The following CHL1 variants were observed in gnomAD, a reference collection of about 807,000 sequenced individuals.
CHL1 encodes cell adhesion molecule L1 like, also known as neural cell adhesion molecule L1-like protein.
A neutral mutation model predicts 141.9 loss-of-function variants in CHL1; 96 were observed. That is an observed-to-expected ratio of 0.68 (90% CI 0.57 to 0.80). The LOEUF (loss-of-function observed/expected upper bound fraction) is 0.80. CHL1 is among the 30% of genes least tolerant of loss of function. The pLI, the probability that CHL1 is intolerant of heterozygous loss-of-function variation, is 0.00. For missense variants in CHL1, 1,820 were observed against 1,457.2 expected, an observed-to-expected ratio of 1.25 and a Z score of -4.05; for synonymous variants, 613 against 502.2, an observed-to-expected ratio of 1.22 and a Z score of -2.95.
intron 2 of CHL1, among the ~76,000 whole-genome samples, chr3:314,560 G>C (rs571601300): frequency 9.9e-5 from 15 of 151,786 alleles, no homozygotes; most frequent in South Asian, 2.1e-4. Context: ...ATACTGACCA[G>C]CTGGTTCTAG....
Position 329,796 on chromosome 3 carries a change from AG to A in CHL1, c.385+1444del, listed in dbSNP as rs200358602. Among the ~76,000 whole-genome samples the A allele has an allele frequency of 8.0e-3, 1,225 of 152,246 alleles. 18 individuals carry two copies. Among genetic ancestry groups the A allele is most frequent in the African/African-American group, 0.028 (1,173 of 41,576 alleles). On this transcript the variant is annotated intron_variant, in intron 5 of 27. Coordinates refer to ENST00000256509, the MANE Select transcript of CHL1 (RefSeq NM_006614.4). Reference sequence around the variant, plus strand: ...AGACAAATGCTTTCCAAATGAAGGTAGGTATGACCATATTAATGTCAGTCAT... The same window carrying A: ...AGACAAATGCTTTCCAAATGAAGGTAGTATGACCATATTAATGTCAGTCAT...
chr3:391,987 A>G (rs1708266173), intron 23 of CHL1, among the ~76,000 whole-genome samples, 190 bp downstream of exon 23: 2 of 152,186 alleles, frequency 1.3e-5, no homozygotes, highest in East Asian at 1.9e-4. Flanking sequence ...TTTTAGGAAT[A>G]AAGTTTTATG....
chr3:307,901 T>C (rs1699388021), intron 2 of CHL1, among the ~76,000 whole-genome samples: 1 of 152,212 alleles, frequency 6.6e-6, no homozygotes, highest in Non-Finnish European at 1.5e-5. Context: ...TATGCTAAAG[T>C]ATTTTAAAGT....
intron 3 of CHL1, 139 bp from the exon 4 acceptor site, chr3:325,816 AGAGT>A (rs1700961382): frequency 5.8e-6 from 3 of 519,250 alleles, no homozygotes; most frequent in Admixed American, 7.6e-5. Context: ...TTGCAAAGAG[AGAGT>A]GAGATTTATT....
At chr3:279,718 G>C (rs1210401126) in intron 2 of CHL1, among the ~76,000 whole-genome samples, 1 of 152,172 alleles carries the variant, frequency 6.6e-6, no homozygotes, top group Admixed American at 6.5e-5. Context: ...AGAGCAAAAA[G>C]CTGAACTGAA....
At chr3:295,997 C>T (rs182907914) in intron 2 of CHL1, among the ~76,000 whole-genome samples, 13 of 151,348 alleles carry the variant, frequency 8.6e-5, no homozygotes, top group Non-Finnish European at 1.5e-4. Flanking sequence ...GTACAACTCC[C>T]TCTCAAAAAA....
intron 2 of CHL1, among the ~76,000 whole-genome samples, chr3:263,586 T>C (rs1185871398): frequency 2.0e-5 from 3 of 152,228 alleles, no homozygotes; most frequent in African/African-American, 4.8e-5. Flanking sequence ...TTGTCACTGC[T>C]CCAAATCATT....
In CHL1 at chr3:407,125, G is replaced by A. The variant is rs971008260; in HGVS notation, c.*1414G>A. 6.6e-6 allele frequency: 1 copy of A among 152,110 alleles called. No individual in the cohort carries two copies. Among genetic ancestry groups the A allele is most frequent in the African/African-American group, 2.4e-5 (1 of 41,442 alleles). The allele number at this position is 152,110 out of a possible 1,614,324, so 9.4% of individuals were successfully genotyped here. On this transcript the variant is annotated 3_prime_UTR_variant, in exon 28 of 28. Transcript: ENST00000256509. The stretch of plus-strand genomic sequence containing the variant: ...TTTTAGAAACAATATGGAGGATGAT[G>A]CATACATGTCGGTCAAGTTCAGCGC...
At chr3:304,364 C>G (rs1033539450) in intron 2 of CHL1, among the ~76,000 whole-genome samples, 1 of 152,198 alleles carries the variant, frequency 6.6e-6, no homozygotes, top group Non-Finnish European at 1.5e-5. Context: ...GTGAATCCAT[C>G]TGGTCCTGGG....
chr3:391,708 A>C lies in CHL1; in HGVS notation c.2825A>C (p.Lys942Thr), dbSNP rs376930100. Residue 942 changes from lysine to threonine, a missense_variant, in exon 23 of 28, where the codon AAA (lysine) becomes ACA (threonine). Transcript: ENST00000256509. ...CAGCCAACTTTTCTAAAGGTCATCA[A>C]AGTTGATAAAGACACTGCCACTTTA... ...PEQPTFLKVI[K>T]VDKDTATLSW... 1 of 1,606,144 alleles carries C rather than the reference A, an allele frequency of 6.2e-7. No homozygotes were observed. The highest frequency in any genetic ancestry group is 1.3e-5 in the African/African-American group (1 of 74,588).
chr3:299,074 A>G (rs1420116993), intron 2 of CHL1, among the ~76,000 whole-genome samples: 1 of 152,216 alleles, frequency 6.6e-6, no homozygotes, highest in Non-Finnish European at 1.5e-5. Context: ...ACATTTATTG[A>G]GTAACCTCCC....
chr3:268,686 T>G (rs868714101), intron 2 of CHL1, among the ~76,000 whole-genome samples: 4 of 152,228 alleles, frequency 2.6e-5, no homozygotes, highest in Non-Finnish European at 2.9e-5. Context: ...AAATATATCT[T>G]GCAAAACTGA....
intron 2 of CHL1, among the ~76,000 whole-genome samples, chr3:254,750 T>G (rs181082523): frequency 6.6e-6 from 1 of 152,212 alleles, no homozygotes; most frequent in African/African-American, 2.4e-5. Context: ...GCCTCACATA[T>G]TGGAAAGTGG....
At chr3:376,930 C>A (rs1327419470) in intron 15 of CHL1, among the ~76,000 whole-genome samples, 1 of 152,066 alleles carries the variant, frequency 6.6e-6, no homozygotes, top group East Asian at 1.9e-4. Context: ...CATTACACTG[C>A]AATTTAAAGT....
chr3:333,188 GCAT>G (rs553204782), intron 5 of CHL1, among the ~76,000 whole-genome samples: 48 of 117,548 alleles, frequency 4.1e-4, no homozygotes, highest in African/African-American at 1.3e-3. Context: ...GGTTTCTTAT[GCAT>G]CATTTCCAGC....
chr3:406,505 T>C lies in CHL1; in HGVS notation c.*794T>C, dbSNP rs1190326221. ...AAGTGCCCATTGTTCAGGATTCTAA[T>C]AGCTACATCTACTTAATATCTTCAT... is the stretch of plus-strand genomic sequence containing the variant. On this transcript the variant is annotated 3_prime_UTR_variant, in exon 28 of 28. Coordinates refer to ENST00000256509, the MANE Select transcript of CHL1 (RefSeq NM_006614.4). 1 of 152,060 alleles carries C rather than the reference T, an allele frequency of 6.6e-6. No homozygotes were observed. The highest frequency in any genetic ancestry group is 1.5e-5 in the Non-Finnish European group (1 of 68,004). 9.4% of individuals were successfully genotyped at this position (152,060 alleles called of 1,614,324 possible). A position where few individuals can be genotyped will look rare whatever the true frequency, so the allele number is the denominator to read the frequency against.
chr3:360,208 G>C (rs1403600394), intron 11 of CHL1, 76 bp from the exon 12 acceptor site: 2 of 1,494,100 alleles, frequency 1.3e-6, no homozygotes, highest in Non-Finnish European at 1.8e-6. Context: ...AATACTGTGT[G>C]ACACATTTAA....
At chr3:377,966 A>T in intron 16 of CHL1, 24 bp downstream of exon 16, 1 of 1,579,016 alleles carries the variant, frequency 6.3e-7, no homozygotes, top group Non-Finnish European at 8.6e-7. Context: ...CTAATGAGAA[A>T]TCTGTTCATT....
intron 2 of CHL1, among the ~76,000 whole-genome samples, chr3:286,312 GTTTA>G (rs1472266688): frequency 6.6e-6 from 1 of 151,962 alleles, no homozygotes; most frequent in Non-Finnish European, 1.5e-5. Context: ...GTGAAAGCAA[GTTTA>G]TTAAGAAAGT....
Sources: gnomAD v4.1 joint callset for allele counts (sites outside exome capture counted in the v4.1 genomes callset) on GRCh38, gnomAD v4.1.1 for gene constraint, MANE v1.5 for transcripts, NCBI Gene and HGNC (gene_info 2026-07-23, HGNC 2026-07-21) for gene names.